The following TRAK1 variants were observed in gnomAD, a reference collection of about 807,000 sequenced individuals.
The protein encoded by TRAK1 is trafficking kinesin-binding protein 1.
TRAK1 carries 33 observed loss-of-function variants against 92.1 expected under a neutral mutation model. That is an observed-to-expected ratio of 0.36 (90% CI 0.27 to 0.48). The LOEUF is 0.48. Ranked by LOEUF, TRAK1 falls within the 20% of genes least tolerant of loss-of-function variation. The pLI is 0.99. For missense variants in TRAK1, 1,123 were observed against 1,257.9 expected, an observed-to-expected ratio of 0.89 and a Z score of 1.62; for synonymous variants, 521 against 517.3, an observed-to-expected ratio of 1.01 and a Z score of -0.10.
rs74840930 is a variant in TRAK1 at position 42,171,446 on chromosome 3, A to C, written c.287-5368A>C. On this transcript the variant is annotated intron_variant, in intron 2 of 15. Coordinates refer to ENST00000327628, the MANE Select transcript of TRAK1 (RefSeq NM_001042646.3). ...CAAGAAAGCTTTTATCAAGCTTGTT[A>C]ATTTGACACACACCATAGAGACACA... Among the ~76,000 whole-genome samples, 1,002 of 152,304 alleles carry C rather than the reference A, an allele frequency of 6.6e-3. 6 individuals carry two copies. The highest frequency in any genetic ancestry group is 0.021 in the African/African-American group (877 of 41,572).
In TRAK1 at chr3:42,199,211, G is replaced by T. The variant is rs370150047; in HGVS notation, c.1148G>T (p.Arg383Leu). Residue 383 changes from arginine (R) to leucine (L), a missense_variant, in exon 11 of 16, where the codon CGC (arginine) becomes CTC (leucine). Around this residue, in one of 3 missense-constraint regions of TRAK1, gnomAD observed 686 missense variants for 747.6 expected, o/e 0.92. Transcript: ENST00000327628. ...GCAGCAGAGATTGAGGGAACGATGC[G>T]CAAGGAGCTGCAGTTGGAAGAGGCC... Reference protein sequence around the residue: ...SLAAEIEGTMRKELQLEEAES... With the variant: ...SLAAEIEGTMLKELQLEEAES... The T allele has an allele frequency of 1.2e-5, 19 of 1,613,770 alleles. No individual in the cohort carries two copies. Among genetic ancestry groups the T allele is most frequent in the East Asian group, 4.5e-5 (2 of 44,886 alleles).
intron 1 of TRAK1, among the ~76,000 whole-genome samples, chr3:42,063,067 A>G (rs79791273): frequency 2.1e-3 from 326 of 152,352 alleles, no homozygotes; most frequent in African/African-American, 7.6e-3. Context: ...CTGGTTTTCC[A>G]GTACCAAATC....
intron 1 of TRAK1, among the ~76,000 whole-genome samples, chr3:42,060,797 T>G (rs1347981776): frequency 2.0e-5 from 3 of 151,940 alleles, no homozygotes; most frequent in Non-Finnish European, 4.4e-5. Context: ...CTGGCTGATT[T>G]TTTTTATATT....
At chr3:42,056,636 A>G (rs562423349) in intron 1 of TRAK1, among the ~76,000 whole-genome samples, 1 of 152,352 alleles carries the variant, frequency 6.6e-6, no homozygotes, top group South Asian at 2.1e-4. Flanking sequence ...TTTTGAAATT[A>G]AAAACATTCT....
chr3:42,210,717 G>A lies in TRAK1; in HGVS notation c.1963+732G>A, dbSNP rs74454644. On this transcript the variant is annotated intron_variant, in intron 14 of 15. Coordinates refer to ENST00000327628, the MANE Select transcript of TRAK1 (RefSeq NM_001042646.3). Reference sequence around the variant, plus strand: ...CATTTTCTTTTCAGCTTACACATGTGTTCAAAGTGGATTTTTAAAAAGTGT... The same window carrying A: ...CATTTTCTTTTCAGCTTACACATGTATTCAAAGTGGATTTTTAAAAAGTGT... 6,933 of 986,650 alleles carry A rather than the reference G, an allele frequency of 7.0e-3. 399 individuals are homozygous for A. In the African/African-American group the frequency reaches 0.11, roughly 16 times the overall value. The allele number at this position is 986,650 out of a possible 1,614,324, so 61.1% of individuals were successfully genotyped here.
intron 2 of TRAK1, among the ~76,000 whole-genome samples, chr3:42,166,131 C>G (rs548058452): frequency 6.6e-6 from 1 of 152,080 alleles, no homozygotes; most frequent in Non-Finnish European, 1.5e-5. Context: ...AGGAATTCCT[C>G]GAGGGTACGA....
chr3:42,192,108 G>C (rs1705848340), intron 7 of TRAK1, among the ~76,000 whole-genome samples: 1 of 151,866 alleles, frequency 6.6e-6, no homozygotes, highest in Admixed American at 6.6e-5. Flanking sequence ...CACCATGTTG[G>C]CCAGGCTGGT....
At chr3:42,095,775 C>T (rs979784437) in intron 1 of TRAK1, among the ~76,000 whole-genome samples, 4 of 152,070 alleles carry the variant, frequency 2.6e-5, no homozygotes, top group African/African-American at 9.7e-5. Context: ...AGGCTGTGGT[C>T]TGAATATTTG....
At chr3:42,160,873 A>AT (rs977891861) in intron 2 of TRAK1, among the ~76,000 whole-genome samples, 25 of 151,442 alleles carry the variant, frequency 1.7e-4, no homozygotes, top group Non-Finnish European at 1.9e-4. Flanking sequence ...AATATCACTA[A>AT]TTTTTTTTTG....
chr3:42,217,733 A>G (rs1406878363), intron 14 of TRAK1: 1 of 985,278 alleles, frequency 1.0e-6, no homozygotes, highest in South Asian at 4.7e-5. Flanking sequence ...CTCCTTCCCA[A>G]ATAACCCCTC....
intron 1 of TRAK1, among the ~76,000 whole-genome samples, chr3:42,118,819 A>T (rs1709492035): frequency 6.6e-6 from 1 of 152,234 alleles, no homozygotes; most frequent in South Asian, 2.1e-4. Context: ...GTGATGTCAT[A>T]AGAATGGTAG....
intron 1 of TRAK1, among the ~76,000 whole-genome samples, chr3:42,079,508 T>G (rs1193978432): frequency 1.5e-5 from 2 of 134,406 alleles, no homozygotes; most frequent in African/African-American, 5.6e-5. Flanking sequence ...TGAGATAGAG[T>G]CTTGCTGTCT....
intron 6 of TRAK1, among the ~76,000 whole-genome samples, chr3:42,191,319 G>T (rs41289568): frequency 0.055 from 8,410 of 152,330 alleles, 231 homozygotes; most frequent in Middle Eastern, 0.075. Context: ...GCCCGTAGCT[G>T]TGTGTGGCGC....
At position 42,204,175 on chromosome 3, in the gene TRAK1, A is replaced by G. The variant is rs184049215; in HGVS notation, c.1744+1423A>G. ...TGTGTGTTCTTCAATAAAATCTTTC[A>G]TTTCTGCAATTTTACTTTCTGCCTT... On this transcript the variant is annotated intron_variant, in intron 13 of 15. Transcript: ENST00000327628. 4.1e-5 allele frequency: 40 copies of G among 985,540 alleles called. No homozygotes were observed. In the African/African-American group the frequency reaches 6.5e-4, roughly 16 times the overall value. 61.0% of individuals were successfully genotyped at this position (985,540 alleles called of 1,614,324 possible).
At chr3:42,092,925 A>C (rs540170854) in intron 1 of TRAK1, among the ~76,000 whole-genome samples, 1 of 152,250 alleles carries the variant, frequency 6.6e-6, no homozygotes, top group East Asian at 1.9e-4. Flanking sequence ...TAAGCCATAA[A>C]ACTTGATGTC....
chr3:42,206,776 T>C (rs561461473), intron 13 of TRAK1, among the ~76,000 whole-genome samples: 1 of 152,358 alleles, frequency 6.6e-6, no homozygotes, highest in South Asian at 2.1e-4. Flanking sequence ...TCCTTGGCTG[T>C]GGAGTGTCAG....
At chr3:42,150,359 C>T (rs972958259) in intron 2 of TRAK1, among the ~76,000 whole-genome samples, 1 of 152,064 alleles carries the variant, frequency 6.6e-6, no homozygotes, top group East Asian at 1.9e-4. Context: ...TCACAGTGGG[C>T]GGGGTCTCAG....
intron 14 of TRAK1, chr3:42,212,400 A>G: frequency 1.1e-5 from 11 of 985,416 alleles, no homozygotes; most frequent in Non-Finnish European, 1.3e-5. Context: ...GGTATGATAG[A>G]AGGAAATTGG....
rs777713411 is a variant in TRAK1 at position 42,202,471 on chromosome 3, G to A, written c.1463G>A (p.Gly488Asp). The A allele has an allele frequency of 1.3e-6, 2 of 1,486,988 alleles. No individual in the cohort carries two copies. The highest frequency in any genetic ancestry group is 1.4e-5 in the African/African-American group (1 of 70,992). The allele number at this position is 1,486,988 out of a possible 1,614,324, so 92.1% of individuals were successfully genotyped here. Residue 488 changes from glycine to aspartate, a missense_variant, in exon 13 of 16, where the codon GGC becomes GAC. By Grantham distance (94) the Gly-to-Asp change is moderately conservative. Coordinates refer to ENST00000327628, the MANE Select transcript of TRAK1 (RefSeq NM_001042646.3). This position sits in a 1 kb window ranked among gnomAD's most constrained non-coding sequence, Gnocchi z 6.1. ...CGGAGTAAGAAGCCGGGGACGCCGG[G>A]CACCCCAGGCTCCCACGACCTGGAG... ...DERSKKPGTP[G>D]TPGSHDLETA...
Sources: gnomAD v4.1 joint callset for allele counts (sites outside exome capture counted in the v4.1 genomes callset) on GRCh38, gnomAD v4.1.1 for gene constraint, gnomAD v4.1.1 regional missense constraint, Gnocchi (gnomAD v3.1) non-coding constraint, MANE v1.5 for transcripts, NCBI Gene and HGNC (gene_info 2026-07-23, HGNC 2026-07-21) for gene names.